The following ITPR3 variants were observed in gnomAD, a reference collection of about 807,000 sequenced individuals.
ITPR3 encodes the protein inositol 1,4,5-trisphosphate receptor type 3.
A neutral mutation model predicts 293.2 loss-of-function variants in ITPR3; 173 were observed. The observed-to-expected ratio is 0.59, with a 90% CI of 0.52 to 0.67. The LOEUF is 0.67. ITPR3 is among the 30% of genes least tolerant of loss of function. The pLI, the probability that ITPR3 is intolerant of heterozygous loss-of-function variation, is 0.00. For missense variants in ITPR3, 2,796 were observed against 3,592.1 expected, an observed-to-expected ratio of 0.78 and a Z score of 5.66; for synonymous variants, 1,295 against 1,444.4, an observed-to-expected ratio of 0.90 and a Z score of 2.35.
Position 33,683,268 on chromosome 6 carries a change from C to T in ITPR3, c.4659C>T (p.Ser1553=), listed in dbSNP as rs1765127852. ...DLDAHISSML[S]SGASCAAAAQ... ...ATGCCCACATCAGCTCGATGCTCAG[C>T]AGTGGAGCCAGCTGTGCAGCTGCCG... Residue 1553 remains serine (S), a synonymous_variant, in exon 35 of 58, where the codon AGC becomes AGT. Coordinates refer to ENST00000605930, the MANE Select transcript of ITPR3 (RefSeq NM_002224.4). This position sits in a 1 kb window ranked among gnomAD's most constrained non-coding sequence, Gnocchi z 4.5. The T allele has an allele frequency of 5.1e-6, 8 of 1,571,918 alleles. No individual in the cohort carries two copies. Among genetic ancestry groups the T allele is most frequent in the Non-Finnish European group, 6.0e-6 (7 of 1,158,696 alleles).
chr6:33,673,550 T>A (rs1187411190), intron 22 of ITPR3, 41 bp from the exon 23 acceptor site: 1 of 1,610,774 alleles, frequency 6.2e-7, no homozygotes, highest in African/African-American at 1.3e-5. Flanking sequence ...CTCAGATCAG[T>A]CCTCACCCCA....
At chr6:33,649,404 T>TG (rs1387771119) in intron 2 of ITPR3, among the ~76,000 whole-genome samples, 1 of 152,170 alleles carries the variant, frequency 6.6e-6, no homozygotes, top group Non-Finnish European at 1.5e-5. Flanking sequence ...TTTGTATTTT[T>TG]GGTAGAGACT....
At chr6:33,695,675 G>A (rs758286095) in intron 57 of ITPR3, 37 bp from the exon 58 acceptor site, 107 of 1,606,374 alleles carry the variant, frequency 6.7e-5, no homozygotes, top group Middle Eastern at 1.6e-4. Flanking sequence ...GGTGCCAGGC[G>A]GCCTGACCAG....
In ITPR3 at chr6:33,675,895, C is replaced by A; in HGVS notation, c.3282+39C>A. On this transcript the variant is annotated intron_variant, in intron 25 of 57. Coordinates refer to ENST00000605930, the MANE Select transcript of ITPR3 (RefSeq NM_002224.4). The surrounding 1 kb of genome is among the most constrained non-coding windows in gnomAD (Gnocchi z 5.0). ...CTGGCCCTGGCCCTGAGCATGAGGCCTGCACCAGGCACGGGGGGACAGTAA... is the reference window on the plus strand; with the variant it reads ...CTGGCCCTGGCCCTGAGCATGAGGCATGCACCAGGCACGGGGGGACAGTAA... 6 of 1,513,970 alleles carry A rather than the reference C, an allele frequency of 4.0e-6. No individual in the cohort carries two copies. The highest frequency in any genetic ancestry group is 5.3e-6 in the Non-Finnish European group (6 of 1,126,824). The allele number at this position is 1,513,970 out of a possible 1,614,324, so 93.8% of individuals were successfully genotyped here. A position where few individuals can be genotyped will look rare whatever the true frequency, so the allele number is the denominator to read the frequency against.
chr6:33,659,692 C>T, intron 7 of ITPR3, 143 bp downstream of exon 7: 2 of 673,380 alleles, frequency 3.0e-6, no homozygotes, highest in African/African-American at 1.8e-5. Context: ...TCCACCTCCA[C>T]AGGGCCCCAC....
chr6:33,691,258 C>A lies in ITPR3; in HGVS notation c.7225+149C>A. ...GCTTCTGGGGACGTCTAGCTAACAC[C>A]AGTCTGCCTCGCTCTTTTCTGGAAC... On this transcript the variant is annotated intron_variant, in intron 52 of 57. Transcript: ENST00000605930. This position sits in a 1 kb window ranked among gnomAD's most constrained non-coding sequence, Gnocchi z 4.9. 1 of 726,522 alleles carries A rather than the reference C, an allele frequency of 1.4e-6. No individual in the cohort carries two copies. Among genetic ancestry groups the A allele is most frequent in the Non-Finnish European group, 2.3e-6 (1 of 442,652 alleles). 45.0% of individuals were successfully genotyped at this position (726,522 alleles called of 1,614,324 possible). A position where few individuals can be genotyped will look rare whatever the true frequency, so the allele number is the denominator to read the frequency against.
chr6:33,647,149 C>G (rs1198791288), intron 2 of ITPR3, among the ~76,000 whole-genome samples: 2 of 152,104 alleles, frequency 1.3e-5, no homozygotes, highest in Non-Finnish European at 2.9e-5. Context: ...CCTTCCAGAG[C>G]AGCTGGGACT....
At chr6:33,635,273 C>T (rs1179177846) in intron 1 of ITPR3, among the ~76,000 whole-genome samples, 2 of 152,162 alleles carry the variant, frequency 1.3e-5, no homozygotes, top group Admixed American at 6.5e-5. Context: ...TACCACCAGT[C>T]GGCTCTGATA....
rs1300369382 is a variant in ITPR3, at chr6:33,673,487, AT to A, written c.2929-101del. 4 of 1,451,824 alleles carry A rather than the reference AT, an allele frequency of 2.8e-6. No individual in the cohort carries two copies. In the African/African-American group the frequency reaches 4.2e-5, roughly 15 times the overall value. The allele number at this position is 1,451,824 out of a possible 1,614,324, so 89.9% of individuals were successfully genotyped here. A position where few individuals can be genotyped will look rare whatever the true frequency, so the allele number is the denominator to read the frequency against. Reference sequence around the variant, plus strand: ...CCTGCTGCCCCAAGTGCTAGAGCCTATTTGGGGGCTCCCTGCCCCCTGCCCC... The same window carrying A: ...CCTGCTGCCCCAAGTGCTAGAGCCTATTGGGGGCTCCCTGCCCCCTGCCCC... On this transcript the variant is annotated intron_variant, in intron 22 of 57. Transcript: ENST00000605930.
intron 2 of ITPR3, among the ~76,000 whole-genome samples, chr6:33,646,695 A>G (rs1200982305): frequency 6.6e-6 from 1 of 151,978 alleles, no homozygotes; most frequent in Non-Finnish European, 1.5e-5. Context: ...AGGTAGGTGG[A>G]TTGCTTGAGC....
Position 33,686,401 on chromosome 6 carries a change from C to T in ITPR3, c.5869-8C>T. On this transcript the variant is annotated splice_region_variant and splice_polypyrimidine_tract_variant and intron_variant, in intron 42 of 57. Coordinates refer to ENST00000605930, the MANE Select transcript of ITPR3 (RefSeq NM_002224.4). The stretch of plus-strand genomic sequence containing the variant: ...CTGGGCCCTGTGTCCCCCACTGCCT[C>T]CTGCCAGACTTGCATTGTGACTCAC... 6.2e-7 allele frequency: 1 copy of T among 1,613,078 alleles called. No individual in the cohort carries two copies. The highest frequency in any genetic ancestry group is 8.5e-7 in the Non-Finnish European group (1 of 1,179,040).
chr6:33,692,757 T>C lies in ITPR3; in HGVS notation c.7488T>C (p.Tyr2496=). ...DESLFPARVV[Y]DLLFFFIVII... ...CTCTCTTCCCAGCCCGAGTGGTCTA[T>C]GACCTCCTGTTCTTCTTCATCGTCA... The change falls in exon 55 of 58, where the codon TAT becomes TAC. Residue 2496 remains tyrosine (Y), a synonymous_variant. Transcript: ENST00000605930. This position sits in a 1 kb window ranked among gnomAD's most constrained non-coding sequence, Gnocchi z 4.2. 1 of 1,614,160 alleles carries C rather than the reference T, an allele frequency of 6.2e-7. No individual in the cohort carries two copies. Among genetic ancestry groups the C allele is most frequent in the Non-Finnish European group, 8.5e-7 (1 of 1,180,018 alleles).
In ITPR3 at chr6:33,689,315, C is replaced by T. The variant is rs1334583481; in HGVS notation, c.6772C>T (p.Arg2258Cys). The change falls in exon 50 of 58, where the codon CGC becomes TGC. Residue 2258 changes from arginine to cysteine, a missense_variant. Physicochemically the swap from Arg to Cys is radical, Grantham distance 180. Coordinates refer to ENST00000605930, the MANE Select transcript of ITPR3 (RefSeq NM_002224.4). Reference sequence around the variant, plus strand: ...CTCCATCGCGGCCCTGTTCACCAAGCGCTACAGCATCCGCCCCCTCATCGT... The same window carrying T: ...CTCCATCGCGGCCCTGTTCACCAAGTGCTACAGCATCCGCCCCCTCATCGT... ...CFSIAALFTK[R>C]YSIRPLIVAL... The T allele has an allele frequency of 3.7e-6, 6 of 1,612,704 alleles. No homozygotes were observed. In the African/African-American group the frequency reaches 8.0e-5, roughly 22 times the overall value.
chr6:33,668,480 G>A, intron 16 of ITPR3, 35 bp from the exon 17 acceptor site: 2 of 1,613,830 alleles, frequency 1.2e-6, no homozygotes, highest in Non-Finnish European at 1.7e-6. Flanking sequence ...CAGCCTCTGA[G>A]ACCCTCTTCC....
In ITPR3 at chr6:33,680,029, G is replaced by A. The variant is rs376840523; in HGVS notation, c.4120G>A (p.Ala1374Thr). 37 of 1,613,890 alleles carry A rather than the reference G, an allele frequency of 2.3e-5. No homozygotes were observed. Among genetic ancestry groups the A allele is most frequent in the African/African-American group, 4.0e-5 (3 of 75,058 alleles). ...CATTTCCCTGGTGGACCTGCTGGCC[G>A]CCTGTGCCGAGGGCAAAAACGTCTA... The part of the protein sequence containing the change: ...YHISLVDLLA[A>T]CAEGKNVYTE... Residue 1374 changes from alanine to threonine, a missense_variant, in exon 31 of 58, where the codon GCC (alanine) becomes ACC (threonine). Physicochemically the swap from Ala to Thr is moderately conservative, Grantham distance 58 (BLOSUM62 0). Around this residue, in one of 8 missense-constraint regions of ITPR3, gnomAD observed 344 missense variants for 460.3 expected, o/e 0.75. Coordinates refer to ENST00000605930, the MANE Select transcript of ITPR3 (RefSeq NM_002224.4).
chr6:33,667,178 C>A lies in ITPR3; in HGVS notation c.1601C>A (p.Pro534His), dbSNP rs1473848032. 1 of 1,614,134 alleles carries A rather than the reference C, an allele frequency of 6.2e-7. No individual in the cohort carries two copies. Among genetic ancestry groups the A allele is most frequent in the South Asian group, 1.1e-5 (1 of 91,082 alleles). Residue 534 changes from proline to histidine, a missense_variant, in exon 15 of 58, where the codon CCC (proline) becomes CAC (histidine). By Grantham distance (77) the Pro-to-His change is moderately conservative. Transcript: ENST00000605930. The surrounding 1 kb of genome is among the most constrained non-coding windows in gnomAD (Gnocchi z 4.4). Reference sequence around the variant, plus strand: ...TTCCGTGAGAAGGGGGGTGAAGGTCCCCTGGTGCGGCTGGAGGAGCTGTCA... The same window carrying A: ...TTCCGTGAGAAGGGGGGTGAAGGTCACCTGGTGCGGCTGGAGGAGCTGTCA... ...APFREKGGEG[P>H]LVRLEELSDQ...
At position 33,658,491 on chromosome 6, in the gene ITPR3, C is replaced by T. The variant is rs912226352; in HGVS notation, c.370-179C>T. ...CATGGGGGTGTGCCTGTTGTGTGCA[C>T]GTTTGTGTGTGATTGTGGTTGTGAA... On this transcript the variant is annotated intron_variant, in intron 4 of 57. Transcript: ENST00000605930. The surrounding 1 kb of genome is among the most constrained non-coding windows in gnomAD (Gnocchi z 6.1). 1.1e-4 allele frequency among the ~76,000 whole-genome samples: 17 copies of T among 152,084 alleles called. No homozygotes were observed. Among genetic ancestry groups the T allele is most frequent in the African/African-American group, 2.9e-4 (12 of 41,402 alleles).
Position 33,683,510 on chromosome 6 carries a change from C to A in ITPR3, c.4788+113C>A. 2 of 940,880 alleles carry A rather than the reference C, an allele frequency of 2.1e-6. No homozygotes were observed. Among genetic ancestry groups the A allele is most frequent in the South Asian group, 4.1e-5 (2 of 48,738 alleles). The allele number at this position is 940,880 out of a possible 1,614,324, so 58.3% of individuals were successfully genotyped here. On this transcript the variant is annotated intron_variant, in intron 35 of 57. Transcript: ENST00000605930. The surrounding 1 kb of genome is among the most constrained non-coding windows in gnomAD (Gnocchi z 4.5). ...AGTGTTTCTTCCTGTCCTGCCCACACTTCCAGGAAGGGGCTGGTTGGCTTC... is the reference window on the plus strand; with the variant it reads ...AGTGTTTCTTCCTGTCCTGCCCACAATTCCAGGAAGGGGCTGGTTGGCTTC...
intron 1 of ITPR3, 68 bp from the exon 2 acceptor site, chr6:33,640,416 C>T: frequency 6.8e-7 from 1 of 1,472,614 alleles, no homozygotes. Context: ...ATCCCCTGCT[C>T]TAAGGGAAGG....
Sources: gnomAD v4.1 joint callset for allele counts (sites outside exome capture counted in the v4.1 genomes callset) on GRCh38, gnomAD v4.1.1 for gene constraint, gnomAD v4.1.1 regional missense constraint, Gnocchi (gnomAD v3.1) non-coding constraint, MANE v1.5 for transcripts, NCBI Gene and HGNC (gene_info 2026-07-23, HGNC 2026-07-21) for gene names.